PLCB1: variants seen among roughly 807,000 people sequenced by gnomAD.
PLCB1 encodes phospholipase C beta 1.
A neutral mutation model predicts 161.8 loss-of-function variants in PLCB1; 46 were observed. The observed-to-expected ratio is 0.28, with a 90% CI of 0.22 to 0.36. The LOEUF is 0.36. PLCB1 is among the 10% of genes least tolerant of loss of function. The pLI is 1.00. For synonymous variants in PLCB1, 517 were observed against 503.7 expected, an observed-to-expected ratio of 1.03 and a Z score of -0.35; for missense variants, 1,016 against 1,472.5, an observed-to-expected ratio of 0.69 and a Z score of 5.07.
chr20:8,192,891 T>C (rs993375804), intron 2 of PLCB1, among the ~76,000 whole-genome samples: 2 of 151,802 alleles, frequency 1.3e-5, no homozygotes, highest in Admixed American at 6.6e-5. Flanking sequence ...TGAAACAGGA[T>C]GGGGGCTAAA....
At chr20:8,199,689 T>A (rs2123123503) in intron 2 of PLCB1, among the ~76,000 whole-genome samples, 1 of 152,292 alleles carries the variant, frequency 6.6e-6, no homozygotes, top group South Asian at 2.1e-4. Context: ...ATTTTTCTAG[T>A]TTATAACTTA....
In PLCB1 at chr20:8,881,941, C is replaced by A; in HGVS notation, c.*92C>A. On this transcript the variant is annotated 3_prime_UTR_variant, in exon 32 of 32. Coordinates refer to ENST00000338037, the MANE Select transcript of PLCB1 (RefSeq NM_015192.4). ...AAGATCACTGCCCAGGACCATCTTC[C>A]CGAGAAGCATCCCTTAGCCTAAAAT... is the stretch of plus-strand genomic sequence containing the variant. 1 of 824,506 alleles carries A rather than the reference C, an allele frequency of 1.2e-6. No homozygotes were observed. 51.1% of individuals were successfully genotyped at this position (824,506 alleles called of 1,614,324 possible).
At chr20:8,427,574 A>C (rs1282799106) in intron 3 of PLCB1, among the ~76,000 whole-genome samples, 1 of 152,186 alleles carries the variant, frequency 6.6e-6, no homozygotes, top group Non-Finnish European at 1.5e-5. Flanking sequence ...GCAGAGAAAG[A>C]GTTTAATCAT....
At chr20:8,445,107 A>G (rs1426300544) in intron 3 of PLCB1, among the ~76,000 whole-genome samples, 1 of 152,176 alleles carries the variant, frequency 6.6e-6, no homozygotes, top group Non-Finnish European at 1.5e-5. Flanking sequence ...TGTTTTAGAC[A>G]TGAAGTCCTT....
At chr20:8,469,109 A>C (rs998958850) in intron 3 of PLCB1, among the ~76,000 whole-genome samples, 1 of 152,164 alleles carries the variant, frequency 6.6e-6, no homozygotes, top group African/African-American at 2.4e-5. Context: ...TTTGCAGATG[A>C]AGAAAGCGTA....
At chr20:8,523,496 C>CTCTCTCTCTCTCTCTATATATATATATA in intron 3 of PLCB1, among the ~76,000 whole-genome samples, 3 of 51,656 alleles carry the variant, frequency 5.8e-5, no homozygotes, top group Admixed American at 4.8e-4. Flanking sequence ...CTCTCTCTCT[C>CTCTCTCTCTCTCTCTATATATATATATA]TATATATATA....
At chr20:8,280,547 G>A (rs886150089) in intron 2 of PLCB1, among the ~76,000 whole-genome samples, 2 of 152,046 alleles carry the variant, frequency 1.3e-5, no homozygotes, top group Admixed American at 6.5e-5. Context: ...ATGACTGCAA[G>A]AAATTTTGAT....
At chr20:8,782,437 G>C (rs188252245) in intron 27 of PLCB1, among the ~76,000 whole-genome samples, 4 of 152,256 alleles carry the variant, frequency 2.6e-5, no homozygotes, top group African/African-American at 9.6e-5. Context: ...TTGTTGCCCA[G>C]GCTGGAGGGC....
chr20:8,591,060 G>T (rs986827313), intron 3 of PLCB1, among the ~76,000 whole-genome samples: 3 of 152,006 alleles, frequency 2.0e-5, no homozygotes. Context: ...ACTTATAAGC[G>T]AGAACATGAG....
At chr20:8,804,701 T>C (rs1984442871) in intron 31 of PLCB1, among the ~76,000 whole-genome samples, 1 of 151,990 alleles carries the variant, frequency 6.6e-6, no homozygotes, top group Non-Finnish European at 1.5e-5. Flanking sequence ...AAAGTAATAG[T>C]ACATAAGGCC....
intron 31 of PLCB1, among the ~76,000 whole-genome samples, chr20:8,851,374 T>A (rs1359248645): frequency 1.3e-5 from 2 of 152,244 alleles, no homozygotes; most frequent in Admixed American, 6.5e-5. Context: ...TTATGATATA[T>A]GTGTTTGCTT....
chr20:8,868,930 G>A (rs1987519615), intron 31 of PLCB1, among the ~76,000 whole-genome samples: 1 of 152,164 alleles, frequency 6.6e-6, no homozygotes, highest in Non-Finnish European at 1.5e-5. Context: ...CACTGCACCT[G>A]GCCAGGAGGC....
rs1185092500 is a variant in PLCB1, at chr20:8,765,212, A to G, written c.2784A>G (p.Lys928=). The change falls in exon 26 of 32, where the codon AAA becomes AAG. Residue 928 remains lysine (K), a synonymous_variant. Coordinates refer to ENST00000338037, the MANE Select transcript of PLCB1 (RefSeq NM_015192.4). ...TGAAACTTCAAAAGAAACACTACAA[A>G]GAAATGAAAGACCTGGTTAAGAGAC... ...SFVKLQKKHY[K]EMKDLVKRHH... 3.7e-6 allele frequency: 6 copies of G among 1,614,040 alleles called. No individual in the cohort carries two copies. Among genetic ancestry groups the G allele is most frequent in the African/African-American group, 1.3e-5 (1 of 74,938 alleles).
chr20:8,745,200 G>A (rs868600462), intron 23 of PLCB1, among the ~76,000 whole-genome samples: 1 of 152,052 alleles, frequency 6.6e-6, no homozygotes. Context: ...AACATGTAAT[G>A]CTAGGAAAGA....
At chr20:8,571,291 A>G (rs1986504497) in intron 3 of PLCB1, among the ~76,000 whole-genome samples, 1 of 152,068 alleles carries the variant, frequency 6.6e-6, no homozygotes, top group South Asian at 2.1e-4. Context: ...AGACCAACCT[A>G]GCCAACATGG....
chr20:8,324,836 C>G (rs1252185794), intron 2 of PLCB1, among the ~76,000 whole-genome samples: 1 of 152,232 alleles, frequency 6.6e-6, no homozygotes, highest in Non-Finnish European at 1.5e-5. Flanking sequence ...GTCACAGCCA[C>G]TGCTTCTAGG....
chr20:8,213,691 TG>T (rs1978955105), intron 2 of PLCB1, among the ~76,000 whole-genome samples: 1 of 151,532 alleles, frequency 6.6e-6, no homozygotes, highest in Non-Finnish European at 1.5e-5. Context: ...GTGGTGGTGG[TG>T]GTGTGTGTGT....
intron 2 of PLCB1, among the ~76,000 whole-genome samples, chr20:8,267,314 C>T (rs1982018323): frequency 6.6e-6 from 1 of 152,132 alleles, no homozygotes; most frequent in South Asian, 2.1e-4. Context: ...CTGCTCCTAG[C>T]CCACGGTTCA....
intron 3 of PLCB1, among the ~76,000 whole-genome samples, chr20:8,569,880 T>C (rs1568512271): frequency 6.6e-6 from 1 of 152,174 alleles, no homozygotes; most frequent in Non-Finnish European, 1.5e-5. Flanking sequence ...TACAATGTTT[T>C]ATTTGCAAGG....
Sources: gnomAD v4.1 joint callset for allele counts (sites outside exome capture counted in the v4.1 genomes callset) on GRCh38, gnomAD v4.1.1 for gene constraint, MANE v1.5 for transcripts, NCBI Gene and HGNC (gene_info 2026-07-23, HGNC 2026-07-21) for gene names.